Variants in CAP2 observed in about 807,000 individuals in gnomAD.
CAP2 encodes the protein cyclase associated actin cytoskeleton regulatory protein 2.
In CAP2, 24 loss-of-function variants were observed where a neutral mutation model predicts 57.7. The ratio of observed to expected loss-of-function variants is 0.42; its 90% CI spans 0.30 to 0.58. The LOEUF is 0.58. CAP2 is among the 20% of genes least tolerant of loss of function. The probability of loss-of-function intolerance (pLI) is 0.22; values close to 1 mark genes in which losing one functional copy is unlikely to be tolerated. For missense variants in CAP2, 501 were observed against 590.3 expected (o/e 0.85, Z 1.57); for synonymous variants, 194 against 207.2 (o/e 0.94, Z 0.55).
chr6:17,498,077 T>C (rs1311426413), intron 4 of CAP2, among the ~76,000 whole-genome samples: 1 of 152,218 alleles, frequency 6.6e-6, no homozygotes, highest in Non-Finnish European at 1.5e-5. Flanking sequence ...ATAGAGAAAA[T>C]TGTGGCCCAC....
chr6:17,507,670 G>C lies in CAP2; in HGVS notation c.474G>C (p.Glu158Asp). 2 of 1,611,056 alleles carry C rather than the reference G, an allele frequency of 1.2e-6. No homozygotes were observed. Among genetic ancestry groups the C allele is most frequent in the Non-Finnish European group, 1.7e-6 (2 of 1,177,492 alleles). ...VSPKPGPYVKEMNDAATFYTN... is the reference protein window; with the variant it reads ...VSPKPGPYVKDMNDAATFYTN... ...CCAAACCTGGTCCTTATGTCAAGGA[G>C]ATGAATGACGCTGCCACCTTTTACA... The change falls in exon 6 of 13, where the codon GAG becomes GAC. Residue 158 changes from glutamate to aspartate, a missense_variant. Coordinates refer to ENST00000229922, the MANE Select transcript of CAP2 (RefSeq NM_006366.3).
chr6:17,397,490 C>T (rs1001838265), intron 1 of CAP2, among the ~76,000 whole-genome samples: 16 of 151,720 alleles, frequency 1.1e-4, no homozygotes, highest in African/African-American at 2.7e-4. Flanking sequence ...GTCAGGAGAT[C>T]GAGACCATCC....
At chr6:17,503,926 G>A (rs1257926678) in intron 4 of CAP2, among the ~76,000 whole-genome samples, 2 of 152,160 alleles carry the variant, frequency 1.3e-5, no homozygotes, top group Non-Finnish European at 1.5e-5. Context: ...TTCCACAAGA[G>A]CTGACTAGCT....
intron 1 of CAP2, among the ~76,000 whole-genome samples, chr6:17,419,483 G>A (rs1759374464): frequency 6.6e-6 from 1 of 152,160 alleles, no homozygotes; most frequent in Non-Finnish European, 1.5e-5. Flanking sequence ...TGATATGGCC[G>A]GGGTTAAGGT....
chr6:17,528,768 T>C (rs1000265331), intron 7 of CAP2, among the ~76,000 whole-genome samples: 7 of 152,240 alleles, frequency 4.6e-5, no homozygotes, highest in African/African-American at 1.2e-4. Flanking sequence ...GAAATTCCAG[T>C]AGTGTTCTGT....
At chr6:17,522,646 G>A (rs1762418512) in intron 7 of CAP2, among the ~76,000 whole-genome samples, 1 of 152,204 alleles carries the variant, frequency 6.6e-6, no homozygotes, top group Non-Finnish European at 1.5e-5. Flanking sequence ...TGTACTTTGA[G>A]AGAAAGGCTG....
chr6:17,503,583 G>A lies in CAP2; in HGVS notation c.301-3586G>A, dbSNP rs1241068762. On this transcript the variant is annotated intron_variant, in intron 4 of 12. Transcript: ENST00000229922. ...CGTGCCGGTGCACTCCAGCCTAGGCGACAAGAGCAAAACTCTATCTCAAAA... is the reference window on the plus strand; with the variant it reads ...CGTGCCGGTGCACTCCAGCCTAGGCAACAAGAGCAAAACTCTATCTCAAAA... Among the ~76,000 whole-genome samples the A allele has an allele frequency of 4.0e-5, 5 of 125,540 alleles. 1 individual carries two copies. The highest frequency in any genetic ancestry group is 2.3e-4 in the East Asian group (1 of 4,416). The allele number at this position is 125,540 out of a possible 152,430, so 82.4% of individuals were successfully genotyped here. A position where few individuals can be genotyped will look rare whatever the true frequency, so the allele number is the denominator to read the frequency against.
At chr6:17,550,961 G>A (rs73722969) in intron 11 of CAP2, among the ~76,000 whole-genome samples, 4,063 of 152,130 alleles carry the variant, frequency 0.027, 186 homozygotes, top group African/African-American at 0.091. Context: ...GAATGGTAGT[G>A]TTTCTTATTT....
chr6:17,508,533 G>A (rs1762048734), intron 6 of CAP2, among the ~76,000 whole-genome samples: 1 of 152,154 alleles, frequency 6.6e-6, no homozygotes, highest in African/African-American at 2.4e-5. Context: ...TAGGAACTAA[G>A]GGAAGGGATG....
Position 17,557,338 on chromosome 6 carries a change from C to T in CAP2, c.*896C>T, listed in dbSNP as rs368991326. On this transcript the variant is annotated 3_prime_UTR_variant, in exon 13 of 13. Transcript: ENST00000229922. ...ACCTGCCAGACTTGCTAACCAAGCT[C>T]GAAAATGAACATGAAAAAGCCATAC... 5 of 152,146 alleles carry T rather than the reference C, an allele frequency of 3.3e-5. No individual in the cohort carries two copies. Among genetic ancestry groups the T allele is most frequent in the East Asian group, 1.9e-4 (1 of 5,186 alleles). 9.4% of individuals were successfully genotyped at this position (152,146 alleles called of 1,614,324 possible). A position where few individuals can be genotyped will look rare whatever the true frequency, so the allele number is the denominator to read the frequency against.
Position 17,539,400 on chromosome 6 carries a change from T to C in CAP2, c.768T>C (p.Ser256=). ...LFENEGKKEE[S]SPSRSALFAQ... ...AGAATGAAGGCAAAAAAGAGGAATC[T>C]TCTCCTTCACGCTCAGCTTTATTTG... The change falls in exon 8 of 13, where the codon TCT becomes TCC. Residue 256 remains serine, a synonymous_variant. Coordinates refer to ENST00000229922, the MANE Select transcript of CAP2 (RefSeq NM_006366.3). 6.2e-7 allele frequency: 1 copy of C among 1,614,242 alleles called. No homozygotes were observed. Among genetic ancestry groups the C allele is most frequent in the Non-Finnish European group, 8.5e-7 (1 of 1,180,042 alleles).
rs143085915 is a variant in CAP2 at position 17,540,948 on chromosome 6, G to T, written c.827-25G>T. ...ACATTTCCCTTTGCATAAAATAAATGTGTCCATGTGTGTTGTCCTCCTAGG... is the reference window on the plus strand; with the variant it reads ...ACATTTCCCTTTGCATAAAATAAATTTGTCCATGTGTGTTGTCCTCCTAGG... On this transcript the variant is annotated intron_variant, in intron 8 of 12. Transcript: ENST00000229922. The T allele has an allele frequency of 7.8e-5, 125 of 1,593,298 alleles. 2 individuals carry two copies. The African/African-American group carries it at 1.5e-3, about 19-fold the overall frequency.
chr6:17,397,661 C>T (rs1202834860), intron 1 of CAP2, among the ~76,000 whole-genome samples: 2 of 143,200 alleles, frequency 1.4e-5, no homozygotes, highest in African/African-American at 5.3e-5. Flanking sequence ...CGCCACTGCA[C>T]TCCAGCCTGG....
At chr6:17,420,841 A>AT (rs896789334) in intron 1 of CAP2, among the ~76,000 whole-genome samples, 6 of 151,542 alleles carry the variant, frequency 4.0e-5, no homozygotes, top group African/African-American at 7.3e-5. Flanking sequence ...TATAATGCCA[A>AT]TTTTTTTTTG....
chr6:17,550,246 A>AAAAT (rs10629532), intron 11 of CAP2, among the ~76,000 whole-genome samples: 20,021 of 151,216 alleles, frequency 0.13, 1,478 homozygotes, highest in African/African-American at 0.18. Flanking sequence ...ACTCTATCTC[A>AAAAT]AAATAAATAA....
chr6:17,513,779 C>T lies in CAP2; in HGVS notation c.531-70C>T, dbSNP rs916678295. The T allele has an allele frequency of 2.9e-6, 3 of 1,039,362 alleles. No individual in the cohort carries two copies. Among genetic ancestry groups the T allele is most frequent in the Non-Finnish European group, 4.5e-6 (3 of 667,648 alleles). The allele number at this position is 1,039,362 out of a possible 1,614,324, so 64.4% of individuals were successfully genotyped here. Reference sequence around the variant, plus strand: ...CCCTAGTCACTAGATAACCATGTGCCCCCACAATTTTTTTAAAATTTTATT... The same window carrying T: ...CCCTAGTCACTAGATAACCATGTGCTCCCACAATTTTTTTAAAATTTTATT... On this transcript the variant is annotated intron_variant, in intron 6 of 12. Coordinates refer to ENST00000229922, the MANE Select transcript of CAP2 (RefSeq NM_006366.3). This position sits in a 1 kb window ranked among gnomAD's most constrained non-coding sequence, Gnocchi z 4.3.
At chr6:17,486,536 G>A (rs111896066) in intron 4 of CAP2, among the ~76,000 whole-genome samples, 1,893 of 152,282 alleles carry the variant, frequency 0.012, 38 homozygotes, top group African/African-American at 0.042. Context: ...AGCCCAGGAG[G>A]TCCAGGCTGC....
chr6:17,512,505 T>C (rs540616728), intron 6 of CAP2, among the ~76,000 whole-genome samples: 2 of 152,318 alleles, frequency 1.3e-5, no homozygotes, highest in African/African-American at 2.4e-5. Context: ...CATAGACATA[T>C]GTGTGTACAT....
At chr6:17,443,826 T>C (rs1760164640) in intron 3 of CAP2, among the ~76,000 whole-genome samples, 1 of 152,130 alleles carries the variant, frequency 6.6e-6, no homozygotes, top group Admixed American at 6.5e-5. Flanking sequence ...TACATTGTGG[T>C]TTAACACTGT....
Sources: gnomAD v4.1 joint callset for allele counts (sites outside exome capture counted in the v4.1 genomes callset) on GRCh38, gnomAD v4.1.1 for gene constraint, Gnocchi (gnomAD v3.1) non-coding constraint, MANE v1.5 for transcripts, NCBI Gene and HGNC (gene_info 2026-07-23, HGNC 2026-07-21) for gene names.